IFT57: variants seen among roughly 807,000 people sequenced by gnomAD.
IFT57 encodes intraflagellar transport protein 57 homolog.
IFT57 carries 59 observed loss-of-function variants against 56.8 expected under a neutral mutation model. That is an observed-to-expected ratio of 1.04 (90% CI 0.84 to 1.29). IFT57 has a LOEUF of 1.29. IFT57 is among the 50% of genes most tolerant of loss of function. The pLI is 0.00. For missense variants in IFT57, 470 were observed against 522.1 expected (o/e 0.90, Z 0.97); for synonymous variants, 209 against 186.1 (o/e 1.12, Z -1.00).
intron 6 of IFT57, among the ~76,000 whole-genome samples, chr3:108,184,582 T>C (rs58540998): frequency 0.014 from 2,114 of 152,244 alleles, 44 homozygotes; most frequent in African/African-American, 0.048. Flanking sequence ...AGACTGTATG[T>C]GGCACCATTT....
chr3:108,175,925 A>T (rs901042046), intron 6 of IFT57, among the ~76,000 whole-genome samples: 3 of 151,334 alleles, frequency 2.0e-5, no homozygotes, highest in Non-Finnish European at 4.4e-5. Context: ...CTCAGAAAAA[A>T]CCCTCACCAG....
At chr3:108,202,733 G>T (rs1158590215) in intron 5 of IFT57, among the ~76,000 whole-genome samples, 1 of 152,164 alleles carries the variant, frequency 6.6e-6, no homozygotes, top group Non-Finnish European at 1.5e-5. Context: ...ATCATAATTG[G>T]GGTAAGGGAA....
chr3:108,200,540 A>G (rs976908074), intron 5 of IFT57, among the ~76,000 whole-genome samples: 2 of 152,212 alleles, frequency 1.3e-5, no homozygotes, highest in Non-Finnish European at 2.9e-5. Flanking sequence ...GTACCCATTT[A>G]ATATATTGAA....
intron 6 of IFT57, among the ~76,000 whole-genome samples, chr3:108,181,940 A>G (rs1218054324): frequency 2.0e-5 from 3 of 152,058 alleles, no homozygotes; most frequent in African/African-American, 7.2e-5. Context: ...AAGAATTATA[A>G]CTGTAGTTTC....
chr3:108,212,360 C>T (rs563272920), intron 4 of IFT57, among the ~76,000 whole-genome samples: 4 of 152,266 alleles, frequency 2.6e-5, no homozygotes, highest in African/African-American at 9.6e-5. Context: ...AGGTATAAGC[C>T]AGCATGCCCA....
intron 5 of IFT57, among the ~76,000 whole-genome samples, chr3:108,202,189 A>G (rs1452372121): frequency 6.6e-6 from 1 of 152,104 alleles, no homozygotes; most frequent in Non-Finnish European, 1.5e-5. Context: ...TCACTGCGGG[A>G]GGAGAATGAC....
At chr3:108,205,831 T>A (rs1326288968) in intron 5 of IFT57, among the ~76,000 whole-genome samples, 1 of 121,894 alleles carries the variant, frequency 8.2e-6, no homozygotes, top group Non-Finnish European at 1.8e-5. Flanking sequence ...ATTATTTATA[T>A]ATTATTTAAT....
intron 6 of IFT57, among the ~76,000 whole-genome samples, chr3:108,188,330 C>T (rs1576038888): frequency 1.3e-5 from 2 of 152,196 alleles, no homozygotes; most frequent in Admixed American, 6.5e-5. Flanking sequence ...CCAGTATATA[C>T]ATTTATTTTT....
intron 6 of IFT57, among the ~76,000 whole-genome samples, chr3:108,168,232 C>T (rs1460518239): frequency 2.0e-5 from 3 of 151,846 alleles, no homozygotes; most frequent in Non-Finnish European, 4.4e-5. Context: ...ATTCTGAACT[C>T]AAATATCATA....
At chr3:108,219,361 A>G (rs754262445) in intron 2 of IFT57, 49 bp downstream of exon 2, 3 of 1,490,658 alleles carry the variant, frequency 2.0e-6, no homozygotes, top group Middle Eastern at 1.7e-4. Context: ...TACCAGTATT[A>G]AAATTCATAA....
intron 6 of IFT57, among the ~76,000 whole-genome samples, chr3:108,182,097 A>G (rs1438954011): frequency 3.9e-5 from 6 of 152,260 alleles, no homozygotes; most frequent in Non-Finnish European, 7.4e-5. Flanking sequence ...CAACCAGAGT[A>G]TAAGTCTTAA....
At chr3:108,166,183 G>A (rs2080061840) in intron 8 of IFT57, among the ~76,000 whole-genome samples, 1 of 152,048 alleles carries the variant, frequency 6.6e-6, no homozygotes, top group South Asian at 2.1e-4. Context: ...GTCTGCTGAA[G>A]ACAAAAAATA....
intron 6 of IFT57, among the ~76,000 whole-genome samples, chr3:108,171,951 G>GCATA (rs3053369): frequency 0.45 from 68,165 of 150,804 alleles, 15,794 homozygotes; most frequent in Middle Eastern, 0.54. Context: ...TTAGAAAAAT[G>GCATA]CATACATACA....
intron 5 of IFT57, among the ~76,000 whole-genome samples, chr3:108,193,680 C>T (rs966860603): frequency 6.6e-6 from 1 of 152,078 alleles, no homozygotes; most frequent in Non-Finnish European, 1.5e-5. Flanking sequence ...GGAGGTGCTG[C>T]ATTCACAAAG....
intron 6 of IFT57, among the ~76,000 whole-genome samples, chr3:108,187,418 C>T (rs1170954581): frequency 6.6e-6 from 1 of 152,080 alleles, no homozygotes; most frequent in Non-Finnish European, 1.5e-5. Context: ...CATCAAAGCA[C>T]ATACATTGAA....
rs202246786 is a variant in IFT57 at position 108,219,542 on chromosome 3, G to T, written c.243C>A (p.Gly81=). Reference sequence around the variant, plus strand: ...GAGTACAAAACATGTAGAACTGTTCGCCAGGGTTGGTAGGCAGTGCAAAAT... The same window carrying T: ...GAGTACAAAACATGTAGAACTGTTCTCCAGGGTTGGTAGGCAGTGCAAAAT... ...RHYFALPTNP[G]EQFYMFCTLA... The change falls in exon 2 of 11, where the codon GGC becomes GGA. Residue 81 remains glycine (G), a synonymous_variant. Transcript: ENST00000264538. 4 of 1,613,768 alleles carry T rather than the reference G, an allele frequency of 2.5e-6. No homozygotes were observed. The highest frequency in any genetic ancestry group is 4.5e-5 in the East Asian group (2 of 44,874).
At chr3:108,164,580 G>C (rs2080050567) in intron 9 of IFT57, among the ~76,000 whole-genome samples, 1 of 151,980 alleles carries the variant, frequency 6.6e-6, no homozygotes, top group African/African-American at 2.4e-5. Context: ...TCCAAAAGAA[G>C]TAAATGGTTC....
In IFT57 at chr3:108,191,584, T is replaced by C. The variant is rs2108317697; in HGVS notation, c.714A>G (p.Glu238=). The stretch of plus-strand genomic sequence containing the variant: ...GTACACGTTCCACTTCTAGGCTCCA[T>C]TCTGCAGCATCTGTTGTGGATTCCA... ...DILESTTDAA[E]WSLEVERVLP... is the part of the protein sequence containing the mutation. The change falls in exon 6 of 11, where the codon GAA becomes GAG. Residue 238 remains glutamate, a synonymous_variant. Coordinates refer to ENST00000264538, the MANE Select transcript of IFT57 (RefSeq NM_018010.4). 6.2e-7 allele frequency: 1 copy of C among 1,610,196 alleles called. No individual in the cohort carries two copies. The highest frequency in any genetic ancestry group is 8.5e-7 in the Non-Finnish European group (1 of 1,176,692).
intron 6 of IFT57, among the ~76,000 whole-genome samples, chr3:108,172,134 A>G (rs1560103291): frequency 6.6e-6 from 1 of 151,894 alleles, no homozygotes; most frequent in Non-Finnish European, 1.5e-5. Flanking sequence ...GATAGTGTAC[A>G]CTGATGTAAA....
Sources: gnomAD v4.1 joint callset for allele counts (sites outside exome capture counted in the v4.1 genomes callset) on GRCh38, gnomAD v4.1.1 for gene constraint, MANE v1.5 for transcripts, NCBI Gene and HGNC (gene_info 2026-07-23, HGNC 2026-07-21) for gene names.